Variants in PLCE1 observed in about 807,000 individuals in gnomAD.
The protein encoded by PLCE1 is 1-phosphatidylinositol 4,5-bisphosphate phosphodiesterase epsilon-1.
A neutral mutation model predicts 242.8 loss-of-function variants in PLCE1; 119 were observed. That is an observed-to-expected ratio of 0.49 (90% CI 0.42 to 0.57). The LOEUF is 0.57. PLCE1 is among the 20% of genes least tolerant of loss of function. The probability of loss-of-function intolerance (pLI) is 0.00; values close to 1 mark genes in which losing one functional copy is unlikely to be tolerated. For missense variants in PLCE1, 2,441 were observed against 2,788.8 expected, an observed-to-expected ratio of 0.88 and a Z score of 2.81; for synonymous variants, 945 against 1,017.4, an observed-to-expected ratio of 0.93 and a Z score of 1.35.
chr10:94,016,432 G>T (rs998051073), intron 1 of PLCE1, among the ~76,000 whole-genome samples: 1 of 152,046 alleles, frequency 6.6e-6, no homozygotes, highest in African/African-American at 2.4e-5. Context: ...ATAGCTTAAA[G>T]GTAATTTTAT....
At chr10:94,027,313 G>C (rs897090510) in intron 1 of PLCE1, among the ~76,000 whole-genome samples, 1 of 152,162 alleles carries the variant, frequency 6.6e-6, no homozygotes, top group African/African-American at 2.4e-5. Flanking sequence ...AGGAAATCCA[G>C]GACAAGATCC....
intron 1 of PLCE1, among the ~76,000 whole-genome samples, chr10:94,019,213 C>T (rs2061332489): frequency 6.6e-6 from 1 of 152,202 alleles, no homozygotes; most frequent in South Asian, 2.1e-4. Flanking sequence ...ACTGCTATGC[C>T]AGTGCTATGA....
intron 28 of PLCE1, 59 bp downstream of exon 28, chr10:94,313,441 G>T: frequency 6.3e-7 from 1 of 1,598,180 alleles, no homozygotes; most frequent in East Asian, 2.2e-5. Flanking sequence ...GGATGTATGT[G>T]TGTGTATAAA....
intron 4 of PLCE1, among the ~76,000 whole-genome samples, chr10:94,196,123 C>T (rs1253197306): frequency 2.6e-5 from 4 of 152,082 alleles, no homozygotes; most frequent in Admixed American, 2.6e-4. Flanking sequence ...TAAAAGTCAC[C>T]TATTGCTATT....
At chr10:94,263,457 T>C (rs2051384868) in intron 14 of PLCE1, among the ~76,000 whole-genome samples, 1 of 146,688 alleles carries the variant, frequency 6.8e-6, no homozygotes, top group Non-Finnish European at 1.5e-5. Flanking sequence ...GAGACTGCAG[T>C]GAGCTGAGAT....
chr10:94,125,106 C>T (rs1017302792), intron 2 of PLCE1, among the ~76,000 whole-genome samples: 3 of 152,148 alleles, frequency 2.0e-5, no homozygotes, highest in Admixed American at 6.5e-5. Context: ...CTTATTCAAT[C>T]AAGAACTGTT....
chr10:94,068,071 A>G (rs562088722), intron 2 of PLCE1, among the ~76,000 whole-genome samples: 2 of 152,324 alleles, frequency 1.3e-5, no homozygotes, highest in African/African-American at 4.8e-5. Flanking sequence ...GCAGACTGGC[A>G]GAAGTGGGGC....
At chr10:94,270,238 A>G (rs1474278225) in intron 17 of PLCE1, among the ~76,000 whole-genome samples, 1 of 152,244 alleles carries the variant, frequency 6.6e-6, no homozygotes, top group Non-Finnish European at 1.5e-5. Flanking sequence ...GTATATGTAT[A>G]TAAATAGATT....
chr10:94,316,800 G>GTGA (rs2053592378), intron 29 of PLCE1, 44 bp downstream of exon 29: 1 of 1,419,072 alleles, frequency 7.0e-7, no homozygotes, highest in Admixed American at 1.7e-5. Flanking sequence ...GACTCATTAT[G>GTGA]TGATTAGCCA....
At chr10:94,103,567 CT>C (rs1184411977) in intron 2 of PLCE1, among the ~76,000 whole-genome samples, 3 of 152,202 alleles carry the variant, frequency 2.0e-5, no homozygotes, top group Non-Finnish European at 4.4e-5. Flanking sequence ...AAGAAATTTG[CT>C]GTACAAACCA....
intron 26 of PLCE1, among the ~76,000 whole-genome samples, chr10:94,307,909 ATTTT>A (rs1013544192): frequency 6.6e-6 from 1 of 151,772 alleles, no homozygotes; most frequent in Non-Finnish European, 1.5e-5. Flanking sequence ...AACAAAAACA[ATTTT>A]TTTTTAATTA....
chr10:94,317,050 A>C (rs907297272), intron 29 of PLCE1, among the ~76,000 whole-genome samples: 1 of 152,170 alleles, frequency 6.6e-6, no homozygotes, highest in East Asian at 1.9e-4. Flanking sequence ...CAGGAGTTCA[A>C]GACCAGCCTG....
Position 94,032,134 on chromosome 10 carries a change from A to C in PLCE1, c.1088A>C (p.Tyr363Ser). The C allele has an allele frequency of 6.2e-7, 1 of 1,610,300 alleles. No individual in the cohort carries two copies. Among genetic ancestry groups the C allele is most frequent in the Non-Finnish European group, 8.5e-7 (1 of 1,178,926 alleles). Residue 363 changes from tyrosine (Y) to serine (S), a missense_variant, in exon 2 of 33, where the codon TAC becomes TCC. Transcript: ENST00000371380. ...CACATTGGGCTGACTGCATGGAGTT[A>C]CATAGATCAGAAGAGAAATGGTCCC... ...SGHIGLTAWS[Y>S]IDQKRNGPLL... is the part of the protein sequence containing the mutation.
intron 2 of PLCE1, among the ~76,000 whole-genome samples, chr10:94,044,364 C>T (rs1265155696): frequency 6.6e-6 from 1 of 152,124 alleles, no homozygotes; most frequent in East Asian, 1.9e-4. Flanking sequence ...ACAATCCATT[C>T]AAGCATCCTG....
intron 2 of PLCE1, among the ~76,000 whole-genome samples, chr10:94,057,227 C>A (rs1031987049): frequency 2.0e-5 from 3 of 151,778 alleles, no homozygotes. Context: ...GAGAAATTAC[C>A]CAACAATTTT....
intron 7 of PLCE1, among the ~76,000 whole-genome samples, chr10:94,240,184 A>T (rs1349283446): frequency 3.3e-5 from 5 of 152,134 alleles, no homozygotes; most frequent in Non-Finnish European, 5.9e-5. Context: ...ATTTGTATGG[A>T]TGTCTTTTGT....
At chr10:94,303,401 G>C (rs1035684097) in intron 24 of PLCE1, among the ~76,000 whole-genome samples, 2 of 152,158 alleles carry the variant, frequency 1.3e-5, no homozygotes, top group African/African-American at 4.8e-5. Flanking sequence ...GAATCCAATT[G>C]TTCATCAAAG....
chr10:94,144,185 C>T (rs115769976), intron 3 of PLCE1, among the ~76,000 whole-genome samples: 1,589 of 152,210 alleles, frequency 0.01, 27 homozygotes, highest in African/African-American at 0.034. Context: ...CTTGTAGGAG[C>T]AAAGCCAGTA....
rs1415773380 is a variant in PLCE1 at position 94,031,176 on chromosome 10, G to C, written c.130G>C (p.Val44Leu). 1.9e-6 allele frequency: 3 copies of C among 1,613,850 alleles called. No homozygotes were observed. Among genetic ancestry groups the C allele is most frequent in the Non-Finnish European group, 2.5e-6 (3 of 1,179,862 alleles). Residue 44 changes from valine (V) to leucine (L), a missense_variant, in exon 2 of 33, where the codon GTC becomes CTC. Around this residue, in one of 5 missense-constraint regions of PLCE1, gnomAD observed 393 missense variants for 378.5 expected, o/e 1.04. Coordinates refer to ENST00000371380, the MANE Select transcript of PLCE1 (RefSeq NM_016341.4). ...SDINISKAHT[V>L]RRSGETSHTI... ...CATCAATATTTCAAAAGCACATACT[G>C]TCAGACGAAGTGGGGAGACTTCTCA...
Sources: gnomAD v4.1 joint callset for allele counts (sites outside exome capture counted in the v4.1 genomes callset) on GRCh38, gnomAD v4.1.1 for gene constraint, gnomAD v4.1.1 regional missense constraint, MANE v1.5 for transcripts, NCBI Gene and HGNC (gene_info 2026-07-23, HGNC 2026-07-21) for gene names.